SEMA5A: variants seen among roughly 807,000 people sequenced by gnomAD.
The protein encoded by SEMA5A is semaphorin-5A.
Under a neutral mutation model 135.5 loss-of-function variants are expected in SEMA5A, and 55 were observed. The observed-to-expected ratio is 0.41, with a 90% CI of 0.33 to 0.51. The LOEUF is 0.51. Among genes scored for constraint, SEMA5A ranks in the 20% least tolerant of loss-of-function variants. The pLI is 0.37. For synonymous variants in SEMA5A, 580 were observed against 546.5 expected (o/e 1.06, Z -0.85); for missense variants, 1,290 against 1,419.9 (o/e 0.91, Z 1.47).
At chr5:9,086,178 T>A (rs1315349278) in intron 16 of SEMA5A, among the ~76,000 whole-genome samples, 1 of 152,162 alleles carries the variant, frequency 6.6e-6, no homozygotes, top group African/African-American at 2.4e-5. Context: ...ACTGTGGACT[T>A]TTGAGTTAAT....
intron 2 of SEMA5A, among the ~76,000 whole-genome samples, chr5:9,428,805 G>A (rs1381862092): frequency 2.0e-5 from 3 of 152,152 alleles, no homozygotes; most frequent in Admixed American, 1.3e-4. Context: ...GGCTAGAGCA[G>A]TACATTTAAT....
chr5:9,418,212 G>A (rs1452089863), intron 2 of SEMA5A, among the ~76,000 whole-genome samples: 2 of 151,972 alleles, frequency 1.3e-5, no homozygotes, highest in African/African-American at 4.8e-5. Flanking sequence ...TCCTGACCTC[G>A]TGATCCACCC....
chr5:9,457,667 A>T (rs10454929), intron 1 of SEMA5A, among the ~76,000 whole-genome samples: 2 of 152,084 alleles, frequency 1.3e-5, no homozygotes, highest in East Asian at 3.9e-4. Flanking sequence ...AGGACTAACA[A>T]GTCTAGTTGT....
intron 16 of SEMA5A, among the ~76,000 whole-genome samples, chr5:9,080,993 C>T (rs961456344): frequency 3.3e-5 from 5 of 152,204 alleles, no homozygotes; most frequent in African/African-American, 1.2e-4. Flanking sequence ...CAATAATCCA[C>T]AACCTCCTCG....
At chr5:9,353,236 G>GAAAGGAAAGGAAAGGAAAGGA in intron 3 of SEMA5A, among the ~76,000 whole-genome samples, 1 of 122,814 alleles carries the variant, frequency 8.1e-6, no homozygotes. Flanking sequence ...GAAAGGAAAG[G>GAAAGGAAAGGAAAGGAAAGGA]AAGGAAAGGG....
intron 17 of SEMA5A, among the ~76,000 whole-genome samples, chr5:9,065,352 T>G (rs1737407425): frequency 6.6e-6 from 1 of 152,176 alleles, no homozygotes; most frequent in South Asian, 2.1e-4. Flanking sequence ...CCACACTGTC[T>G]CAGAGCCTTC....
intron 4 of SEMA5A, among the ~76,000 whole-genome samples, chr5:9,330,271 T>TC (rs1366871392): frequency 6.6e-6 from 1 of 151,804 alleles, no homozygotes; most frequent in Admixed American, 6.6e-5. Flanking sequence ...GCGCCTGTAG[T>TC]CCCAGCTACT....
intron 3 of SEMA5A, among the ~76,000 whole-genome samples, chr5:9,365,094 A>G (rs566087566): frequency 6.6e-6 from 1 of 152,208 alleles, no homozygotes; most frequent in Non-Finnish European, 1.5e-5. Context: ...CAACACATAT[A>G]TAAGGATACC....
At chr5:9,081,061 G>A (rs1250282460) in intron 16 of SEMA5A, among the ~76,000 whole-genome samples, 1 of 152,168 alleles carries the variant, frequency 6.6e-6, no homozygotes, top group Non-Finnish European at 1.5e-5. Context: ...TTGCCTTGTG[G>A]TGAGTGGCCC....
chr5:9,281,703 A>G (rs1750549535), intron 5 of SEMA5A, among the ~76,000 whole-genome samples: 1 of 152,180 alleles, frequency 6.6e-6, no homozygotes, highest in Non-Finnish European at 1.5e-5. Flanking sequence ...GGTAAGGCAA[A>G]TCATACAAAC....
At chr5:9,536,872 C>A (rs1737797555) in intron 1 of SEMA5A, among the ~76,000 whole-genome samples, 1 of 152,160 alleles carries the variant, frequency 6.6e-6, no homozygotes, top group Non-Finnish European at 1.5e-5. Flanking sequence ...TGATTTTAAA[C>A]TTCAGAACAG....
At chr5:9,496,328 A>G (rs1579635003) in intron 1 of SEMA5A, among the ~76,000 whole-genome samples, 1 of 152,338 alleles carries the variant, frequency 6.6e-6, no homozygotes, top group East Asian at 1.9e-4. Flanking sequence ...TATAGGCAAG[A>G]GCCACCATGC....
chr5:9,414,532 G>C (rs1258669644), intron 2 of SEMA5A, among the ~76,000 whole-genome samples: 1 of 152,184 alleles, frequency 6.6e-6, no homozygotes, highest in Non-Finnish European at 1.5e-5. Context: ...GGCATCATTG[G>C]CAAGACTGAC....
intron 6 of SEMA5A, among the ~76,000 whole-genome samples, chr5:9,231,683 C>A (rs1014700682): frequency 6.6e-6 from 1 of 152,220 alleles, no homozygotes; most frequent in Non-Finnish European, 1.5e-5. Flanking sequence ...GGTAGAGTCA[C>A]AATGTAGAAG....
At chr5:9,403,878 T>C (rs993794774) in intron 2 of SEMA5A, among the ~76,000 whole-genome samples, 1 of 152,180 alleles carries the variant, frequency 6.6e-6, no homozygotes, top group Non-Finnish European at 1.5e-5. Flanking sequence ...AGTGTTTACA[T>C]CCAAGTTCTA....
At chr5:9,050,749 G>A (rs1450610153) in intron 20 of SEMA5A, among the ~76,000 whole-genome samples, 1 of 152,216 alleles carries the variant, frequency 6.6e-6, no homozygotes, top group Non-Finnish European at 1.5e-5. Context: ...TCCATTACAA[G>A]GTGTCTTGCC....
intron 1 of SEMA5A, among the ~76,000 whole-genome samples, chr5:9,454,173 G>A (rs907102372): frequency 2.0e-5 from 3 of 152,194 alleles, no homozygotes; most frequent in African/African-American, 2.4e-5. Context: ...CATCAGGGAC[G>A]ACAGGCTGGT....
chr5:9,114,367 T>A (rs138116780), intron 15 of SEMA5A, among the ~76,000 whole-genome samples: 1 of 152,336 alleles, frequency 6.6e-6, no homozygotes, highest in East Asian at 1.9e-4. Context: ...AATGAAAAGT[T>A]TTGGAAATAG....
intron 6 of SEMA5A, among the ~76,000 whole-genome samples, chr5:9,233,432 T>G (rs567337729): frequency 1.3e-5 from 2 of 152,336 alleles, no homozygotes; most frequent in Admixed American, 6.5e-5. Flanking sequence ...TTATTATAAG[T>G]TTTTGAATCC....
Sources: allele counts gnomAD v4.1 joint callset (sites outside exome capture counted in the v4.1 genomes callset), GRCh38; gene constraint gnomAD v4.1.1; transcripts MANE v1.5; gene names NCBI Gene and HGNC (gene_info 2026-07-23, HGNC 2026-07-21).